Variants in USP40 observed in about 807,000 individuals in gnomAD.
The protein encoded by USP40 is ubiquitin carboxyl-terminal hydrolase 40.
USP40 carries 143 observed loss-of-function variants against 166.2 expected under a neutral mutation model. The ratio of observed to expected loss-of-function variants is 0.86; its 90% CI spans 0.75 to 0.99. The LOEUF (loss-of-function observed/expected upper bound fraction) is 0.99, where lower values mean the gene tolerates loss of function less well. Among genes scored for constraint, USP40 ranks in the 50% least tolerant of loss-of-function variants. The probability of loss-of-function intolerance (pLI) is 0.00; values close to 1 mark genes in which losing one functional copy is unlikely to be tolerated. For missense variants in USP40, 1,444 were observed against 1,479.7 expected, an observed-to-expected ratio of 0.98 and a Z score of 0.40; for synonymous variants, 498 against 524.0, an observed-to-expected ratio of 0.95 and a Z score of 0.68.
intron 27 of USP40, among the ~76,000 whole-genome samples, chr2:233,488,673 G>A (rs1365042626): frequency 6.6e-6 from 1 of 152,186 alleles, no homozygotes; most frequent in Admixed American, 6.5e-5. Context: ...CAGCACTTTG[G>A]GAGGCCAAGG....
At chr2:233,536,887 T>C (rs1207912637) in intron 10 of USP40, among the ~76,000 whole-genome samples, 2 of 151,890 alleles carry the variant, frequency 1.3e-5, no homozygotes, top group East Asian at 3.8e-4. Flanking sequence ...TTTTTTTGTT[T>C]CCTTTTTTTT....
At chr2:233,502,112 C>A (rs1420730037) in intron 21 of USP40, among the ~76,000 whole-genome samples, 1 of 152,192 alleles carries the variant, frequency 6.6e-6, no homozygotes, top group African/African-American at 2.4e-5. Context: ...ATGACCCTGA[C>A]ATAAGCTGTT....
intron 24 of USP40, among the ~76,000 whole-genome samples, chr2:233,494,840 A>C (rs1248658253): frequency 1.4e-5 from 2 of 143,230 alleles, no homozygotes; most frequent in Admixed American, 7.1e-5. Flanking sequence ...AAAAAAAAAA[A>C]AACCAAAAAA....
intron 21 of USP40, among the ~76,000 whole-genome samples, chr2:233,506,862 G>C (rs2066454573): frequency 6.6e-6 from 1 of 151,284 alleles, no homozygotes; most frequent in Non-Finnish European, 1.5e-5. Flanking sequence ...AGTGAGCTGA[G>C]ATCACCCCAC....
At chr2:233,491,627 T>C (rs2065350992) in intron 25 of USP40, among the ~76,000 whole-genome samples, 1 of 152,006 alleles carries the variant, frequency 6.6e-6, no homozygotes, top group Non-Finnish European at 1.5e-5. Context: ...TGTGTGTGTG[T>C]GTGTGTGTCT....
chr2:233,534,022 C>T (rs1381966004), intron 10 of USP40, among the ~76,000 whole-genome samples: 3 of 152,112 alleles, frequency 2.0e-5, no homozygotes, highest in African/African-American at 4.8e-5. Context: ...ATCTAAAAAG[C>T]ATTTTGATTA....
intron 18 of USP40, 85 bp downstream of exon 18, chr2:233,519,529 G>T: frequency 1.2e-6 from 1 of 866,658 alleles, no homozygotes; most frequent in Non-Finnish European, 1.8e-6. Flanking sequence ...TCCCTAAACT[G>T]TTTTTTGTAT....
Position 233,552,766 on chromosome 2 carries a change from T to C in USP40, c.694-1247A>G, listed in dbSNP as rs549345979. Among the ~76,000 whole-genome samples the C allele has an allele frequency of 3.6e-4, 55 of 152,342 alleles. 1 individual carries two copies. The South Asian group carries it at 6.0e-3, about 17-fold the overall frequency. ...TACAGGCACAGGGTTTAAGGTTTTA[T>C]TATAGTTTTATCTATAATCTCCAGG... is the stretch of plus-strand genomic sequence containing the variant. On this transcript the variant is annotated intron_variant, in intron 6 of 31. Transcript: ENST00000678225.
chr2:233,519,695 G>T lies in USP40; in HGVS notation c.2326-24C>A, dbSNP rs970784231. The T allele has an allele frequency of 3.1e-6, 4 of 1,300,134 alleles. No homozygotes were observed. In the Admixed American group the frequency reaches 7.5e-5, roughly 24 times the overall value. The allele number at this position is 1,300,134 out of a possible 1,614,324, so 80.5% of individuals were successfully genotyped here. ...ATCTAAAACAGAGAAATAAAATAATGACTAAGTTGTAAAAAATGGGAGGAG... is the reference window on the plus strand; with the variant it reads ...ATCTAAAACAGAGAAATAAAATAATTACTAAGTTGTAAAAAATGGGAGGAG... On this transcript the variant is annotated intron_variant, in intron 17 of 31. Coordinates refer to ENST00000678225, the MANE Select transcript of USP40 (RefSeq NM_001365479.2).
At position 233,525,479 on chromosome 2, in the gene USP40, G is replaced by A. The variant is rs201166361; in HGVS notation, c.1809C>T (p.Gly603=). The change falls in exon 14 of 32, where the codon GGC becomes GGT. Residue 603 remains glycine, a splice_region_variant and synonymous_variant. Transcript: ENST00000678225. The part of the protein sequence containing the change: ...PAGLHIYQSL[G]GDELTLCETE... Reference sequence around the variant, plus strand: ...GCTATGTTTTCATATTTATCTTACCGCCAAGTGACTGGTAAATGTGAAGTC... The same window carrying A: ...GCTATGTTTTCATATTTATCTTACCACCAAGTGACTGGTAAATGTGAAGTC... The A allele has an allele frequency of 1.5e-5, 24 of 1,610,716 alleles. No individual in the cohort carries two copies. The East Asian group carries it at 1.8e-4, about 12-fold the overall frequency.
In USP40 at chr2:233,559,904, C is replaced by T; in HGVS notation, c.288G>A (p.Gln96=). The T allele has an allele frequency of 6.2e-7, 1 of 1,607,382 alleles. No individual in the cohort carries two copies. The highest frequency in any genetic ancestry group is 8.5e-7 in the Non-Finnish European group (1 of 1,176,948). The change falls in exon 4 of 32, where the codon CAG becomes CAA. Residue 96 remains glutamine, a synonymous_variant. Transcript: ENST00000678225. ...PDAKVRIIPL[Q]LQRLFAQLLL... is the part of the protein sequence containing the mutation. ...GAAGCTGAGCAAACAAGCGCTGTAA[C>T]TGTAAAGGGATGATTCGAACCTGAA...
chr2:233,512,137 C>T (rs1033991902), intron 19 of USP40: 1 of 202,026 alleles, frequency 4.9e-6, no homozygotes, highest in African/African-American at 2.3e-5. Flanking sequence ...GAAGTAGCTT[C>T]TTCCAAGTTT....
chr2:233,539,478 C>A (rs2069197513), intron 10 of USP40, among the ~76,000 whole-genome samples: 1 of 151,938 alleles, frequency 6.6e-6, no homozygotes. Flanking sequence ...TAACTAGAAA[C>A]CCCCTAAATA....
chr2:233,511,860 T>C, intron 19 of USP40, 63 bp from the exon 20 acceptor site: 5 of 1,291,704 alleles, frequency 3.9e-6, no homozygotes, highest in Non-Finnish European at 5.4e-6. Flanking sequence ...GAAAAATAAA[T>C]GCTGAAATCA....
At chr2:233,528,524 T>G (rs2068232996) in intron 12 of USP40, among the ~76,000 whole-genome samples, 1 of 152,192 alleles carries the variant, frequency 6.6e-6, no homozygotes, top group South Asian at 2.1e-4. Flanking sequence ...AAGACCTTAG[T>G]GCGGGTTGAT....
chr2:233,504,878 C>T (rs76670914), intron 21 of USP40, among the ~76,000 whole-genome samples: 4,680 of 152,074 alleles, frequency 0.031, 225 homozygotes, highest in African/African-American at 0.11. Flanking sequence ...ATTTATAGAA[C>T]AGTCCATCAA....
chr2:233,526,082 A>G (rs1202198690), intron 13 of USP40, among the ~76,000 whole-genome samples: 2 of 152,218 alleles, frequency 1.3e-5, no homozygotes, highest in Non-Finnish European at 2.9e-5. Flanking sequence ...TGAGAGTCTG[A>G]GCACTGTGGC....
chr2:233,532,455 G>C (rs116583152), intron 11 of USP40, among the ~76,000 whole-genome samples: 3,950 of 152,298 alleles, frequency 0.026, 68 homozygotes, highest in South Asian at 0.039. Flanking sequence ...TGAGCATGAA[G>C]TGGCCAATGG....
intron 8 of USP40, chr2:233,546,156 A>G (rs1392246855): frequency 1.3e-5 from 2 of 152,224 alleles, no homozygotes; most frequent in African/African-American, 4.8e-5. Flanking sequence ...ACATGAAGGA[A>G]TGCCTGCCTG....
Sources: allele counts gnomAD v4.1 joint callset (sites outside exome capture counted in the v4.1 genomes callset), GRCh38; gene constraint gnomAD v4.1.1; transcripts MANE v1.5; gene names NCBI Gene and HGNC (gene_info 2026-07-23, HGNC 2026-07-21).